SPATA31F3: variants seen among roughly 807,000 people sequenced by gnomAD.
SPATA31F3 encodes the protein SPATA31 subfamily F member 3.
At chr9:34,889,374 G>A in the SPATA31F3 span, 8 of 398,504 alleles carry the variant, frequency 2.0e-5, no homozygotes, top group Non-Finnish European at 2.7e-5. Flanking sequence ...TTAGGCACTG[G>A]GGGCATCACA....
chr9:34,890,602 G>A, the SPATA31F3 span, among the ~76,000 whole-genome samples: 13 of 152,176 alleles, frequency 8.5e-5, no homozygotes, highest in Non-Finnish European at 1.3e-4. Context: ...TGGGGCCCAT[G>A]GGATGCCTGG....
chr9:34,894,962 A>G, the SPATA31F3 span: 1 of 398,224 alleles, frequency 2.5e-6, no homozygotes, highest in Non-Finnish European at 4.4e-6. Flanking sequence ...TGTTAGCAGC[A>G]GGGGTCATAG....
At chr9:34,891,872 A>G in the SPATA31F3 span, among the ~76,000 whole-genome samples, 7 of 152,124 alleles carry the variant, frequency 4.6e-5, no homozygotes. Flanking sequence ...AGCAGGTGCC[A>G]CTCCAAGGCT....
At chr9:34,893,794 C>T in the SPATA31F3 span, among the ~76,000 whole-genome samples, 7 of 152,084 alleles carry the variant, frequency 4.6e-5, no homozygotes, top group Middle Eastern at 3.4e-3. Context: ...CGGAGCCAGG[C>T]GGTTAGCTGA....
At chr9:34,893,942 C>A in the SPATA31F3 span, among the ~76,000 whole-genome samples, 1 of 152,148 alleles carries the variant, frequency 6.6e-6, no homozygotes, top group African/African-American at 2.4e-5. Flanking sequence ...TACTCAATAT[C>A]TTTTGGGAAT....
the SPATA31F3 span, among the ~76,000 whole-genome samples, chr9:34,890,763 G>C: frequency 6.6e-6 from 1 of 152,210 alleles, no homozygotes; most frequent in Non-Finnish European, 1.5e-5. Flanking sequence ...TGTATCTCAA[G>C]GAATTTATTT....
chr9:34,893,348 C>T, the SPATA31F3 span, among the ~76,000 whole-genome samples: 1 of 152,100 alleles, frequency 6.6e-6, no homozygotes, highest in African/African-American at 2.4e-5. Flanking sequence ...TGCCTCTAAT[C>T]CTAGCACTTT....
At chr9:34,890,872 G>T in the SPATA31F3 span, among the ~76,000 whole-genome samples, 149 of 152,312 alleles carry the variant, frequency 9.8e-4, no homozygotes, top group Non-Finnish European at 1.6e-3. Context: ...CCATCAGCTT[G>T]TGTTTTAGTG....
At chr9:34,892,697 C>T in the SPATA31F3 span, 1 of 460,200 alleles carries the variant, frequency 2.2e-6, no homozygotes, top group Non-Finnish European at 3.9e-6. Context: ...GTTTTTCGTC[C>T]TCTCCTGCTG....
the SPATA31F3 span, among the ~76,000 whole-genome samples, chr9:34,892,370 C>T: frequency 6.6e-6 from 1 of 152,188 alleles, no homozygotes; most frequent in African/African-American, 2.4e-5. Flanking sequence ...TTAGAGATAG[C>T]ATTCAGAGTG....
the SPATA31F3 span, among the ~76,000 whole-genome samples, chr9:34,893,602 A>C: frequency 7.2e-6 from 1 of 138,980 alleles, no homozygotes; most frequent in East Asian, 2.0e-4. Context: ...ACTCTGTCTC[A>C]AAAAAAAAAA....
At chr9:34,889,954 C>T in the SPATA31F3 span, among the ~76,000 whole-genome samples, 1 of 152,056 alleles carries the variant, frequency 6.6e-6, no homozygotes. Context: ...GCAAATTATT[C>T]TTATCTGGTC....
the SPATA31F3 span, among the ~76,000 whole-genome samples, chr9:34,893,520 G>A: frequency 0.03 from 4,602 of 151,938 alleles, 102 homozygotes; most frequent in Non-Finnish European, 0.047. Flanking sequence ...AGAGTCCCTT[G>A]AACCTGGGAG....
At chr9:34,893,683 G>A in the SPATA31F3 span, among the ~76,000 whole-genome samples, 1 of 152,186 alleles carries the variant, frequency 6.6e-6, no homozygotes, top group African/African-American at 2.4e-5. Flanking sequence ...AGCTTGTTGG[G>A]CAAGGCTTCA....
the SPATA31F3 span, among the ~76,000 whole-genome samples, chr9:34,890,600 A>G: frequency 5.3e-5 from 8 of 152,314 alleles, no homozygotes; most frequent in Middle Eastern, 6.8e-3. Context: ...TCTGGGGCCC[A>G]TGGGATGCCT....
At chr9:34,893,618 A>G in the SPATA31F3 span, among the ~76,000 whole-genome samples, 4 of 151,924 alleles carry the variant, frequency 2.6e-5, no homozygotes, top group African/African-American at 4.8e-5. Context: ...AAAAAAGAAA[A>G]AAGAAAAGAA....
At chr9:34,893,758 C>G in the SPATA31F3 span, among the ~76,000 whole-genome samples, 1 of 152,084 alleles carries the variant, frequency 6.6e-6, no homozygotes, top group Non-Finnish European at 1.5e-5. Flanking sequence ...CTCTGTTGAC[C>G]TTGTTGAAAA....
chr9:34,894,529 A>G, the SPATA31F3 span: 1 of 398,590 alleles, frequency 2.5e-6, no homozygotes, highest in East Asian at 3.6e-5. Flanking sequence ...AGTGAGTGTT[A>G]TGTGGAACTG....
At chr9:34,894,170 G>A in the SPATA31F3 span, among the ~76,000 whole-genome samples, 1 of 152,152 alleles carries the variant, frequency 6.6e-6, no homozygotes, top group Admixed American at 6.5e-5. Flanking sequence ...GCAACCCTGT[G>A]TAGAGTCTTT....
Sources: gnomAD v4.1 joint callset for allele counts (sites outside exome capture counted in the v4.1 genomes callset) on GRCh38, gnomAD v4.1.1 for gene constraint, MANE v1.5 for transcripts, NCBI Gene and HGNC (gene_info 2026-07-23, HGNC 2026-07-21) for gene names.